Variants in RFC3 observed in about 807,000 individuals in gnomAD.
The protein encoded by RFC3 is replication factor C subunit 3.
A neutral mutation model predicts 45.1 loss-of-function variants in RFC3; 41 were observed. That is an observed-to-expected ratio of 0.91 (90% CI 0.71 to 1.18). RFC3 has a LOEUF of 1.18. Ranked by LOEUF, RFC3 falls within the 50% of genes most tolerant of loss-of-function variation. RFC3 has a pLI of 0.00. For missense variants in RFC3, 423 were observed against 428.1 expected (o/e 0.99, Z 0.10); for synonymous variants, 149 against 144.0 (o/e 1.03, Z -0.25).
At chr13:33,839,263 G>GCCC, downstream of RFC3, among the ~76,000 whole-genome samples, 1 of 152,068 alleles carries the variant, frequency 6.6e-6, no homozygotes, top group Admixed American at 6.6e-5. Flanking sequence ...TCTGTCAATG[G>GCCC]CCATGAACTA....
rs1251609168 is a variant in RFC3, at chr13:33,836,108, TTC to T, written c.889_890del (p.Ser297ArgfsTer5). 5 of 1,602,262 alleles carry T rather than the reference TTC, an allele frequency of 3.1e-6. No individual in the cohort carries two copies. The highest frequency in any genetic ancestry group is 2.6e-6 in the Non-Finnish European group (3 of 1,170,740). ...TTACTGATTATTTTTGTTTAGGGCC[TTC>T]TCTCAGAACTGTTACATAATTGTGA... On this transcript the variant is annotated frameshift_variant, in exon 9 of 9. Transcript: ENST00000380071. LOFTEE classifies it high-confidence loss of function.
chr13:33,867,399 C>CATTT (rs2082380474), intron 8 of RFC3, among the ~76,000 whole-genome samples: 1 of 152,134 alleles, frequency 6.6e-6, no homozygotes, highest in African/African-American at 2.4e-5. Flanking sequence ...CATTTTAGTA[C>CATTT]CTCAAGGAGA....
intron 8 of RFC3, among the ~76,000 whole-genome samples, chr13:33,855,932 G>A (rs1270865935): frequency 6.6e-6 from 1 of 152,146 alleles, no homozygotes; most frequent in Non-Finnish European, 1.5e-5. Flanking sequence ...TGTTTAGTTT[G>A]CTGATAGTTT....
intron 8 of RFC3, among the ~76,000 whole-genome samples, chr13:33,952,174 G>A (rs1397593155): frequency 1.3e-5 from 2 of 152,246 alleles, no homozygotes; most frequent in Non-Finnish European, 2.9e-5. Flanking sequence ...TCAGCAAGCA[G>A]TCAATAGACT....
At chr13:33,871,385 C>A (rs890243773) in intron 8 of RFC3, among the ~76,000 whole-genome samples, 2 of 152,178 alleles carry the variant, frequency 1.3e-5, no homozygotes, top group African/African-American at 4.8e-5. Context: ...CTTCCAGAGG[C>A]CTTTTGCAAT....
chr13:33,921,747 A>AT (rs1481742116), intron 8 of RFC3, among the ~76,000 whole-genome samples: 1 of 151,982 alleles, frequency 6.6e-6, no homozygotes, highest in Non-Finnish European at 1.5e-5. Context: ...TTTCTTTGAG[A>AT]TTTTTGATTT....
intron 8 of RFC3, among the ~76,000 whole-genome samples, chr13:33,909,339 C>T (rs1025991946): frequency 2.0e-5 from 3 of 152,012 alleles, no homozygotes; most frequent in Non-Finnish European, 4.4e-5. Flanking sequence ...CCCTGACCTC[C>T]TGTTCTTAGA....
intron 8 of RFC3, among the ~76,000 whole-genome samples, chr13:33,875,906 A>G (rs2082443186): frequency 1.3e-5 from 2 of 152,194 alleles, no homozygotes; most frequent in Admixed American, 6.5e-5. Context: ...GAAGCTAATC[A>G]TAGCAGCCCT....
chr13:33,821,738 T>G (rs2139378013), intron 2 of RFC3, among the ~76,000 whole-genome samples: 1 of 152,308 alleles, frequency 6.6e-6, no homozygotes, highest in South Asian at 2.1e-4. Context: ...GATCTTGCCC[T>G]TGCCAAGATG....
intron 8 of RFC3, among the ~76,000 whole-genome samples, chr13:33,901,590 G>A (rs2082642212): frequency 6.6e-6 from 1 of 151,944 alleles, no homozygotes; most frequent in South Asian, 2.1e-4. Flanking sequence ...ACAAATATAT[G>A]ACCTGATAGA....
At chr13:33,865,026 C>G (rs1214370589) in intron 8 of RFC3, among the ~76,000 whole-genome samples, 1 of 151,926 alleles carries the variant, frequency 6.6e-6, no homozygotes, top group South Asian at 2.1e-4. Context: ...AGAAAGAGAA[C>G]AAAATTCATT....
chr13:33,957,054 A>G (rs748469494), intron 8 of RFC3, among the ~76,000 whole-genome samples: 2 of 152,138 alleles, frequency 1.3e-5, no homozygotes, highest in East Asian at 1.9e-4. Flanking sequence ...ACTATTATCT[A>G]TTTATCTACT....
At chr13:33,892,652 T>C (rs1357844972) in intron 8 of RFC3, among the ~76,000 whole-genome samples, 2 of 152,190 alleles carry the variant, frequency 1.3e-5, no homozygotes, top group African/African-American at 4.8e-5. Flanking sequence ...CTTTCACTTA[T>C]GAACATTTTT....
chr13:33,918,961 C>G (rs9563929), intron 8 of RFC3, among the ~76,000 whole-genome samples: 10,112 of 152,140 alleles, frequency 0.066, 524 homozygotes, highest in African/African-American at 0.14. Context: ...GAAGTGATCA[C>G]CCTGCCAAAA....
intron 1 of RFC3, among the ~76,000 whole-genome samples, chr13:33,818,565 G>A (rs1476446108): frequency 6.6e-6 from 1 of 152,248 alleles, no homozygotes; most frequent in Admixed American, 6.5e-5. Context: ...AAATTCCCGG[G>A]CAGGGATGTG....
At chr13:33,916,679 T>A (rs1451276422) in intron 8 of RFC3, among the ~76,000 whole-genome samples, 1 of 152,164 alleles carries the variant, frequency 6.6e-6, no homozygotes, top group East Asian at 1.9e-4. Flanking sequence ...TATGTAGGCA[T>A]GTGTGTATAT....
chr13:33,863,259 A>G (rs1051320385), intron 8 of RFC3, among the ~76,000 whole-genome samples: 3 of 125,886 alleles, frequency 2.4e-5, no homozygotes, highest in Non-Finnish European at 3.5e-5. Context: ...TATGAATCTC[A>G]TGCACAAAAT....
intron 8 of RFC3, among the ~76,000 whole-genome samples, chr13:33,951,464 CT>C (rs1432873305): frequency 6.6e-6 from 1 of 151,986 alleles, no homozygotes; most frequent in Non-Finnish European, 1.5e-5. Context: ...ATCTCTGGAC[CT>C]CATGATCCGC....
rs1014080014 is a variant in RFC3 at position 33,836,445 on chromosome 13, C to T, written c.*150C>T. On this transcript the variant is annotated 3_prime_UTR_variant, in exon 9 of 9. Transcript: ENST00000380071. ...TTCTCTGTGAACTATTAATCATCCT[C>T]TGAGTTAAATAATTGCTCCTATACT... The T allele has an allele frequency of 6.9e-7, 1 of 1,443,688 alleles. No individual in the cohort carries two copies. The highest frequency in any genetic ancestry group is 1.4e-5 in the African/African-American group (1 of 69,944). The allele number at this position is 1,443,688 out of a possible 1,614,324, so 89.4% of individuals were successfully genotyped here. A position where few individuals can be genotyped will look rare whatever the true frequency, so the allele number is the denominator to read the frequency against.
Sources: gnomAD v4.1 joint callset for allele counts (sites outside exome capture counted in the v4.1 genomes callset) on GRCh38, gnomAD v4.1.1 for gene constraint, MANE v1.5 for transcripts, NCBI Gene and HGNC (gene_info 2026-07-23, HGNC 2026-07-21) for gene names.